The following TENM2 variants were observed in gnomAD, a reference collection of about 807,000 sequenced individuals.
TENM2 encodes the protein teneurin-2.
TENM2 carries 52 observed loss-of-function variants against 245.2 expected under a neutral mutation model. The ratio of observed to expected loss-of-function variants is 0.21; its 90% CI spans 0.17 to 0.27. The LOEUF (loss-of-function observed/expected upper bound fraction) is 0.27. Among genes scored for constraint, TENM2 ranks in the 10% least tolerant of loss-of-function variants. The probability of loss-of-function intolerance (pLI) is 1.00; values close to 1 mark genes in which losing one functional copy is unlikely to be tolerated. For synonymous variants in TENM2, 1,363 were observed against 1,438.9 expected (o/e 0.95, Z 1.19); for missense variants, 3,046 against 3,666.8 (o/e 0.83, Z 4.37).
At chr5:168,224,374 C>A (rs965796788) in intron 23 of TENM2, among the ~76,000 whole-genome samples, 2 of 152,194 alleles carry the variant, frequency 1.3e-5, no homozygotes, top group Admixed American at 1.3e-4. Flanking sequence ...CTTTAGGCAG[C>A]GCGGTGTACA....
chr5:168,223,945 G>A (rs550729210), intron 23 of TENM2, among the ~76,000 whole-genome samples: 32 of 151,372 alleles, frequency 2.1e-4, no homozygotes, highest in Admixed American at 1.2e-3. Context: ...TACTGTCAAG[G>A]GAGTATATTT....
chr5:167,375,311 G>A lies in TENM2; in HGVS notation c.340G>A (p.Asp114Asn), dbSNP rs202033524. The A allele has an allele frequency of 7.7e-4, 1,194 of 1,551,568 alleles. No homozygotes were observed. Among genetic ancestry groups the A allele is most frequent in the Non-Finnish European group, 9.8e-4 (1,127 of 1,147,004 alleles). ...GGGCTACTCCCTTAGCACAGGGTCT[G>A]ACGCCGACTCCGACACCGAGGGAGG... is the stretch of plus-strand genomic sequence containing the variant. The change falls in exon 2 of 29, where the codon GAC (aspartate) becomes AAC (asparagine). Residue 114 changes from aspartate (D) to asparagine (N), a missense_variant. By Grantham distance (23) the Asp-to-Asn change is conservative (BLOSUM62 1). Coordinates refer to ENST00000518659, the Ensembl canonical transcript of TENM2.
chr5:168,099,759 G>A (rs968079926), intron 9 of TENM2, among the ~76,000 whole-genome samples: 12 of 152,254 alleles, frequency 7.9e-5, no homozygotes, highest in African/African-American at 2.4e-4. Flanking sequence ...CCAGGCTTAC[G>A]AATGCTGATA....
chr5:167,023,917 A>T, the TENM2 span, among the ~76,000 whole-genome samples: 543 of 152,344 alleles, frequency 3.6e-3, 3 homozygotes, highest in African/African-American at 0.013. Flanking sequence ...TTATAAAAGC[A>T]AATTATTTAA....
At chr5:168,189,677 C>T (rs1245881331) in intron 13 of TENM2, among the ~76,000 whole-genome samples, 1 of 152,172 alleles carries the variant, frequency 6.6e-6, no homozygotes, top group Non-Finnish European at 1.5e-5. Flanking sequence ...GTCAGCAGTT[C>T]CCTTCCTGGC....
At chr5:167,200,657 C>G in the TENM2 span, among the ~76,000 whole-genome samples, 1 of 152,048 alleles carries the variant, frequency 6.6e-6, no homozygotes, top group Admixed American at 6.6e-5. Context: ...GTCAGCATCT[C>G]CAGTGATACC....
chr5:167,398,463 C>CTTTTTTTTTTTTTTTTTTT, intron 2 of TENM2, among the ~76,000 whole-genome samples: 1 of 141,822 alleles, frequency 7.1e-6, no homozygotes. Flanking sequence ...CAGGGTCTTG[C>CTTTTTTTTTTTTTTTTTTT]TCTGTTGTGC....
chr5:167,203,586 A>C, the TENM2 span, among the ~76,000 whole-genome samples: 1 of 152,150 alleles, frequency 6.6e-6, no homozygotes, highest in East Asian at 1.9e-4. Context: ...GAAGGAGGCA[A>C]AGTCCTCTGC....
At chr5:168,108,669 C>T (rs1298196075) in intron 9 of TENM2, among the ~76,000 whole-genome samples, 1 of 152,176 alleles carries the variant, frequency 6.6e-6, no homozygotes, top group African/African-American at 2.4e-5. Context: ...GGTTCTGAAG[C>T]TTGTGGCCCT....
chr5:167,363,122 A>G (rs1759814720), intron 1 of TENM2, among the ~76,000 whole-genome samples: 1 of 152,220 alleles, frequency 6.6e-6, no homozygotes, highest in African/African-American at 2.4e-5. Context: ...AACAAAATAG[A>G]AGAAGAAATA....
chr5:167,920,347 A>G (rs1375106275), intron 3 of TENM2, among the ~76,000 whole-genome samples: 4 of 148,624 alleles, frequency 2.7e-5, no homozygotes, highest in East Asian at 3.9e-4. Context: ...AAAAGAAAAA[A>G]AAAGAAAAAA....
chr5:167,253,968 G>A, the TENM2 span, among the ~76,000 whole-genome samples: 6 of 152,002 alleles, frequency 3.9e-5, no homozygotes, highest in Non-Finnish European at 5.9e-5. Flanking sequence ...GAATAAGTGC[G>A]TATAAGCCTT....
intron 2 of TENM2, among the ~76,000 whole-genome samples, chr5:167,478,086 A>G (rs554042668): frequency 6.6e-6 from 1 of 152,348 alleles, no homozygotes; most frequent in East Asian, 1.9e-4. Context: ...TCAAACTGGG[A>G]AGAGCGAAAC....
At chr5:168,211,988 G>A (rs1274475665) in intron 20 of TENM2, among the ~76,000 whole-genome samples, 1 of 152,164 alleles carries the variant, frequency 6.6e-6, no homozygotes, top group Non-Finnish European at 1.5e-5. Flanking sequence ...GGAGATTCAA[G>A]TGCAAGATAA....
At chr5:167,353,252 T>TA (rs1427892017) in intron 1 of TENM2, among the ~76,000 whole-genome samples, 2 of 141,446 alleles carry the variant, frequency 1.4e-5, no homozygotes, top group East Asian at 4.3e-4. Context: ...ATATAAACTA[T>TA]AAAAAAGGGA....
the TENM2 span, among the ~76,000 whole-genome samples, chr5:167,231,797 A>T: frequency 2.6e-5 from 4 of 152,218 alleles, no homozygotes; most frequent in Non-Finnish European, 4.4e-5. Flanking sequence ...AATTGTTAAG[A>T]CAATGGGGAA....
intron 2 of TENM2, among the ~76,000 whole-genome samples, chr5:167,859,451 T>G: frequency 9.4e-6 from 1 of 106,592 alleles, no homozygotes; most frequent in Non-Finnish European, 1.9e-5. Context: ...CGGCCGCCCC[T>G]ACTGGGAAGT....
intron 2 of TENM2, among the ~76,000 whole-genome samples, chr5:167,824,419 G>A (rs528674101): frequency 6.6e-6 from 1 of 152,218 alleles, no homozygotes; most frequent in Admixed American, 6.5e-5. Context: ...GCAGGGGAGA[G>A]AGCTGGCAAC....
chr5:168,146,791 A>G lies in TENM2; in HGVS notation c.2423-15820A>G, dbSNP rs374869737. Among the ~76,000 whole-genome samples the G allele has an allele frequency of 2.6e-5, 4 of 152,336 alleles. No individual in the cohort carries two copies. In the South Asian group the frequency reaches 8.3e-4, roughly 32 times the overall value. On this transcript the variant is annotated intron_variant, in intron 12 of 28. Coordinates refer to ENST00000518659, the Ensembl canonical transcript of TENM2. ...CAATGTGTGAAAGGCTTATCTGTCA[A>G]TGAGAGGGGCCGGTGAGTGCTAAAT...
Sources: gnomAD v4.1 joint callset for allele counts (sites outside exome capture counted in the v4.1 genomes callset) on GRCh38, gnomAD v4.1.1 for gene constraint, MANE v1.5 for transcripts, NCBI Gene and HGNC (gene_info 2026-07-23, HGNC 2026-07-21) for gene names.